NOL4: variants seen among roughly 807,000 people sequenced by gnomAD.
The protein encoded by NOL4 is nucleolar protein 4.
In NOL4, 17 loss-of-function variants were observed where a neutral mutation model predicts 75.9. The ratio of observed to expected loss-of-function variants is 0.22; its 90% CI spans 0.15 to 0.34. The LOEUF (loss-of-function observed/expected upper bound fraction) is 0.34, where lower values mean the gene tolerates loss of function less well. NOL4 is among the 10% of genes least tolerant of loss of function. The pLI, the probability that NOL4 is intolerant of heterozygous loss-of-function variation, is 1.00. For missense variants in NOL4, 614 were observed against 793.5 expected (o/e 0.77, Z 2.72); for synonymous variants, 292 against 289.9 (o/e 1.01, Z -0.07).
intron 2 of NOL4, among the ~76,000 whole-genome samples, chr18:34,118,432 T>G (rs531035828): frequency 1.3e-5 from 2 of 152,174 alleles, no homozygotes; most frequent in African/African-American, 2.4e-5. Context: ...AAAATTTATT[T>G]GTAAAACATA....
At chr18:34,111,772 A>G (rs1170821699) in intron 2 of NOL4, among the ~76,000 whole-genome samples, 1 of 152,188 alleles carries the variant, frequency 6.6e-6, no homozygotes, top group Non-Finnish European at 1.5e-5. Context: ...AATAAAAATG[A>G]AAACCACAAT....
At chr18:34,169,484 C>T (rs975140490) in intron 1 of NOL4, among the ~76,000 whole-genome samples, 78 of 143,714 alleles carry the variant, frequency 5.4e-4, no homozygotes, top group African/African-American at 1.9e-3. Context: ...AAAAAAACAG[C>T]AAGATGATGA....
intron 6 of NOL4, among the ~76,000 whole-genome samples, chr18:34,007,737 A>AT (rs2074118683): frequency 6.6e-6 from 1 of 151,962 alleles, no homozygotes; most frequent in South Asian, 2.1e-4. Flanking sequence ...TCATTCATGG[A>AT]TTTTACCTCC....
At chr18:34,111,223 G>C (rs1355772125) in intron 2 of NOL4, among the ~76,000 whole-genome samples, 1 of 152,122 alleles carries the variant, frequency 6.6e-6, no homozygotes, top group Non-Finnish European at 1.5e-5. Context: ...CCATAGAATG[G>C]AGGGAATTAT....
chr18:34,020,490 A>G (rs997071142), intron 5 of NOL4, among the ~76,000 whole-genome samples: 5 of 152,314 alleles, frequency 3.3e-5, no homozygotes, highest in Non-Finnish European at 7.3e-5. Flanking sequence ...TCCAGTCATT[A>G]CACTTCTGGG....
chr18:34,165,332 G>C (rs920918365), intron 1 of NOL4, among the ~76,000 whole-genome samples: 2 of 152,140 alleles, frequency 1.3e-5, no homozygotes, highest in African/African-American at 4.8e-5. Context: ...GATGGGAAAT[G>C]ATCAGAACAC....
intron 1 of NOL4, among the ~76,000 whole-genome samples, chr18:34,209,298 G>C (rs1296014081): frequency 6.6e-6 from 1 of 151,492 alleles, no homozygotes; most frequent in African/African-American, 2.4e-5. Context: ...GGCTTATTAT[G>C]TAGCAACATT....
intron 2 of NOL4, among the ~76,000 whole-genome samples, chr18:34,122,667 T>C (rs1212285167): frequency 2.0e-5 from 3 of 152,188 alleles, no homozygotes; most frequent in Non-Finnish European, 4.4e-5. Flanking sequence ...TCAAGTCTAG[T>C]TGGCATCAAA....
chr18:33,984,767 T>C (rs2072294897), intron 6 of NOL4, among the ~76,000 whole-genome samples: 1 of 152,128 alleles, frequency 6.6e-6, no homozygotes, highest in Admixed American at 6.6e-5. Context: ...TAATTCCTTA[T>C]AGCAGTACAA....
At chr18:33,927,828 A>G (rs565019133) in intron 9 of NOL4, among the ~76,000 whole-genome samples, 1 of 152,274 alleles carries the variant, frequency 6.6e-6, no homozygotes, top group East Asian at 1.9e-4. Context: ...GGTAACAAGT[A>G]TGTGTTCCTC....
intron 5 of NOL4, among the ~76,000 whole-genome samples, chr18:34,082,211 G>A (rs898986511): frequency 7.2e-5 from 11 of 152,146 alleles, no homozygotes; most frequent in South Asian, 2.1e-4. Context: ...AAATGCGGTG[G>A]TTACACAGCT....
intron 5 of NOL4, among the ~76,000 whole-genome samples, chr18:34,047,739 T>C (rs1297644020): frequency 1.3e-5 from 2 of 152,116 alleles, no homozygotes; most frequent in South Asian, 2.1e-4. Context: ...GGGAAGGAAC[T>C]GTGTAAGCAC....
Position 34,049,281 on chromosome 18 carries a change from C to G in NOL4, c.773-29680G>C, listed in dbSNP as rs560279645. Reference sequence around the variant, plus strand: ...AATCATTTAGAAAAATAATTATAACCGGAATTTAAGTGCCTGTGCCACAGC... The same window carrying G: ...AATCATTTAGAAAAATAATTATAACGGGAATTTAAGTGCCTGTGCCACAGC... On this transcript the variant is annotated intron_variant, in intron 5 of 10. Transcript: ENST00000261592. Among the ~76,000 whole-genome samples, 109 of 151,326 alleles carry G rather than the reference C, an allele frequency of 7.2e-4. 1 individual carries two copies. The highest frequency in any genetic ancestry group is 2.5e-3 in the African/African-American group (105 of 41,188).
At chr18:34,029,489 T>C (rs1321507113) in intron 5 of NOL4, among the ~76,000 whole-genome samples, 1 of 152,336 alleles carries the variant, frequency 6.6e-6, no homozygotes, top group Non-Finnish European at 1.5e-5. Flanking sequence ...CAGGGGCATA[T>C]CCTTGGCTCC....
At chr18:34,034,294 GA>G (rs35733154) in intron 5 of NOL4, among the ~76,000 whole-genome samples, 65,556 of 151,994 alleles carry the variant, frequency 0.43, 14,591 homozygotes, top group South Asian at 0.52. Context: ...GAATGTAAAT[GA>G]ATTAGATTCT....
intron 1 of NOL4, among the ~76,000 whole-genome samples, chr18:34,137,190 T>C (rs1055566262): frequency 2.6e-5 from 4 of 152,162 alleles, no homozygotes; most frequent in African/African-American, 9.7e-5. Flanking sequence ...ACTCAAAATT[T>C]GTACAAGGTT....
chr18:34,106,779 C>T (rs935929251), intron 2 of NOL4, among the ~76,000 whole-genome samples: 1 of 151,900 alleles, frequency 6.6e-6, no homozygotes, highest in South Asian at 2.1e-4. Flanking sequence ...ACACTTCTAA[C>T]TGACTTATTT....
chr18:34,215,068 G>A (rs2036786471), intron 1 of NOL4, among the ~76,000 whole-genome samples: 1 of 152,170 alleles, frequency 6.6e-6, no homozygotes, highest in Non-Finnish European at 1.5e-5. Flanking sequence ...AGATGAAAAA[G>A]CTCTGGAGAT....
At chr18:33,905,325 TG>T (rs977043015) in intron 9 of NOL4, among the ~76,000 whole-genome samples, 1 of 152,104 alleles carries the variant, frequency 6.6e-6, no homozygotes, top group Non-Finnish European at 1.5e-5. Flanking sequence ...GCCAAGTGAA[TG>T]GGACTGTTAG....
Sources: gnomAD v4.1 joint callset for allele counts (sites outside exome capture counted in the v4.1 genomes callset) on GRCh38, gnomAD v4.1.1 for gene constraint, MANE v1.5 for transcripts, NCBI Gene and HGNC (gene_info 2026-07-23, HGNC 2026-07-21) for gene names.